The following ARHGEF26 variants were observed in gnomAD, a reference collection of about 807,000 sequenced individuals.
The protein encoded by ARHGEF26 is Rho guanine nucleotide exchange factor 26.
In ARHGEF26, 59 loss-of-function variants were observed where a neutral mutation model predicts 89.4. The observed-to-expected ratio is 0.66, with a 90% CI of 0.54 to 0.82. The LOEUF (loss-of-function observed/expected upper bound fraction) is 0.82. Among genes scored for constraint, ARHGEF26 ranks in the 40% least tolerant of loss-of-function variants. The probability of loss-of-function intolerance (pLI) is 0.00; values close to 1 mark genes in which losing one functional copy is unlikely to be tolerated. For missense variants in ARHGEF26, 1,234 were observed against 1,085.6 expected, an observed-to-expected ratio of 1.14 and a Z score of -1.92; for synonymous variants, 500 against 428.4, an observed-to-expected ratio of 1.17 and a Z score of -2.06.
rs751003628 is a variant in ARHGEF26, at chr3:154,124,514, A to G, written c.1123+65A>G. The G allele has an allele frequency of 9.4e-6, 13 of 1,376,020 alleles. 1 individual carries two copies. The East Asian group carries it at 3.3e-4, about 35-fold the overall frequency. The allele number at this position is 1,376,020 out of a possible 1,614,324, so 85.2% of individuals were successfully genotyped here. ...TGTGGAATACCAATTATAAGTTGAA[A>G]TCCAACTGCAGTAACAAAAATGCTT... On this transcript the variant is annotated intron_variant, in intron 3 of 14. Transcript: ENST00000465093.
At chr3:154,191,696 A>G (rs1292510504) in intron 8 of ARHGEF26, among the ~76,000 whole-genome samples, 2 of 152,106 alleles carry the variant, frequency 1.3e-5, no homozygotes, top group Non-Finnish European at 2.9e-5. Flanking sequence ...TGGCTTCTTT[A>G]TGTCAGGAGG....
chr3:154,167,016 A>ATTCT (rs1712085019), intron 6 of ARHGEF26, among the ~76,000 whole-genome samples: 4 of 152,184 alleles, frequency 2.6e-5, no homozygotes, highest in Non-Finnish European at 5.9e-5. Flanking sequence ...GAGTCTTAAG[A>ATTCT]ATAACACCGA....
chr3:154,130,303 G>A (rs1234300239), intron 4 of ARHGEF26, among the ~76,000 whole-genome samples: 1 of 151,874 alleles, frequency 6.6e-6, no homozygotes, highest in African/African-American at 2.4e-5. Context: ...ACCATACCCA[G>A]CTAATTTTTG....
At chr3:154,180,382 C>A (rs929582940) in intron 6 of ARHGEF26, among the ~76,000 whole-genome samples, 2 of 151,874 alleles carry the variant, frequency 1.3e-5, no homozygotes, top group Non-Finnish European at 2.9e-5. Context: ...GTGTCTGTTC[C>A]TTGCTCAGGG....
chr3:154,251,499 A>G (rs765881209), intron 12 of ARHGEF26, among the ~76,000 whole-genome samples: 3 of 152,186 alleles, frequency 2.0e-5, no homozygotes, highest in African/African-American at 7.2e-5. Context: ...GTGTTGGGCA[A>G]TGTTGTAGAG....
chr3:154,193,496 G>A, intron 8 of ARHGEF26, among the ~76,000 whole-genome samples: 1 of 152,112 alleles, frequency 6.6e-6, no homozygotes, highest in Middle Eastern at 3.2e-3. Context: ...CTTGCTAGTA[G>A]CCAACTACTT....
At chr3:154,195,400 G>T (rs1319895914) in intron 9 of ARHGEF26, among the ~76,000 whole-genome samples, 5 of 152,152 alleles carry the variant, frequency 3.3e-5, no homozygotes, top group African/African-American at 9.7e-5. Context: ...TGATGTAGAG[G>T]CTAAATTCAT....
At position 154,191,382 on chromosome 3, in the gene ARHGEF26, C is replaced by T. The variant is rs1174028368; in HGVS notation, c.1734C>T (p.Pro578=). 1 of 1,613,924 alleles carries T rather than the reference C, an allele frequency of 6.2e-7. No homozygotes were observed. The highest frequency in any genetic ancestry group is 1.1e-5 in the South Asian group (1 of 91,070). The part of the protein sequence containing the change: ...NLPMISFLIL[P]MQRVTRLPLL... The stretch of plus-strand genomic sequence containing the variant: ...CCATGATCTCTTTTCTCATTCTCCC[C>T]ATGCAGAGGGTGACCCGCCTTCCCC... Residue 578 remains proline, a synonymous_variant, in exon 8 of 15, where the codon CCC becomes CCT. Coordinates refer to ENST00000465093, the MANE Select transcript of ARHGEF26 (RefSeq NM_015595.4).
intron 9 of ARHGEF26, among the ~76,000 whole-genome samples, chr3:154,214,208 T>C (rs985570856): frequency 3.3e-5 from 5 of 152,346 alleles, no homozygotes; most frequent in South Asian, 2.1e-4. Context: ...GACTTTATTC[T>C]GAAAGCTTCA....
intron 10 of ARHGEF26, among the ~76,000 whole-genome samples, chr3:154,222,208 C>T (rs1716176198): frequency 6.6e-6 from 1 of 152,118 alleles, no homozygotes; most frequent in South Asian, 2.1e-4. Flanking sequence ...GGATATTTTT[C>T]TAATTTGGAG....
At chr3:154,140,818 T>C (rs1313436770) in intron 4 of ARHGEF26, among the ~76,000 whole-genome samples, 1 of 152,104 alleles carries the variant, frequency 6.6e-6, no homozygotes, top group Non-Finnish European at 1.5e-5. Flanking sequence ...TAAGCTCAGG[T>C]TATCTGCTCG....
At chr3:154,201,817 T>C (rs1464086634) in intron 9 of ARHGEF26, among the ~76,000 whole-genome samples, 3 of 152,270 alleles carry the variant, frequency 2.0e-5, no homozygotes, top group Non-Finnish European at 4.4e-5. Context: ...GAGAAGTATC[T>C]GTTCATATCC....
At chr3:154,162,251 G>T (rs769171975) in intron 6 of ARHGEF26, among the ~76,000 whole-genome samples, 9 of 152,168 alleles carry the variant, frequency 5.9e-5, no homozygotes, top group Non-Finnish European at 1.3e-4. Context: ...TGATGGAAAA[G>T]ATTTTAATTT....
rs748146786 is a variant in ARHGEF26 at position 154,187,684 on chromosome 3, G to C, written c.1488-1G>C. On this transcript the variant is annotated splice_acceptor_variant, in intron 6 of 14. Transcript: ENST00000465093. LOFTEE classifies it high-confidence loss of function. ...ATTTTTTTTTCCCTTTGGTTTTTCA[G>C]GTTCTTTATAGAGTTGGAAGCAAGA... 6.3e-7 allele frequency: 1 copy of C among 1,596,228 alleles called. No individual in the cohort carries two copies. The highest frequency in any genetic ancestry group is 2.2e-5 in the East Asian group (1 of 44,674).
chr3:154,248,133 A>T (rs960427661), intron 12 of ARHGEF26, among the ~76,000 whole-genome samples: 5 of 151,500 alleles, frequency 3.3e-5, no homozygotes, highest in Admixed American at 1.3e-4. Context: ...CATCTAGGAC[A>T]TGTTCAGTGA....
In ARHGEF26 at chr3:154,122,859, G is replaced by C. The variant is rs753029264; in HGVS notation, c.867G>C (p.Leu289=). The part of the protein sequence containing the change: ...RSMVEGLGGP[L]GHAGEESEVD... ...TGGTGGAGGGCCTAGGAGGACCCCT[G>C]GGTCACGCAGGGGAGGAGAGTGAGG... Residue 289 remains leucine, a synonymous_variant, in exon 2 of 15, where the codon CTG becomes CTC. Coordinates refer to ENST00000465093, the MANE Select transcript of ARHGEF26 (RefSeq NM_015595.4). 6.2e-7 allele frequency: 1 copy of C among 1,612,812 alleles called. No individual in the cohort carries two copies. Among genetic ancestry groups the C allele is most frequent in the South Asian group, 1.1e-5 (1 of 90,726 alleles).
chr3:154,191,767 G>T (rs1713972679), intron 8 of ARHGEF26, among the ~76,000 whole-genome samples: 1 of 152,088 alleles, frequency 6.6e-6, no homozygotes, highest in Non-Finnish European at 1.5e-5. Context: ...CAGTCTCTTT[G>T]GGCCTAAGAT....
Position 154,225,916 on chromosome 3 carries a change from G to C in ARHGEF26, c.1996G>C (p.Val666Leu), listed in dbSNP as rs757005704. The C allele has an allele frequency of 6.2e-7, 1 of 1,612,306 alleles. No homozygotes were observed. The highest frequency in any genetic ancestry group is 8.5e-7 in the Non-Finnish European group (1 of 1,179,148). Residue 666 changes from valine to leucine, a missense_variant, in exon 11 of 15, where the codon GTT becomes CTT. Val to Leu is a conservative substitution (Grantham distance 32, BLOSUM62 1). Transcript: ENST00000465093. ...LVKRGELTAY[V>L]EDTVLFSRRT... ...AAAAAGAGGTGAATTGACAGCCTAT[G>C]TTGAAGACACTGTGCTTTTCTCAAG...
At chr3:154,155,471 C>T (rs933203857) in intron 6 of ARHGEF26, among the ~76,000 whole-genome samples, 4 of 151,490 alleles carry the variant, frequency 2.6e-5, no homozygotes, top group Admixed American at 2.6e-4. Context: ...TTTTTCTGCT[C>T]AAAAAGTTAG....
Sources: allele counts gnomAD v4.1 joint callset (sites outside exome capture counted in the v4.1 genomes callset), GRCh38; gene constraint gnomAD v4.1.1; transcripts MANE v1.5; gene names NCBI Gene and HGNC (gene_info 2026-07-23, HGNC 2026-07-21).